The following KCNK5 variants were observed in gnomAD, a reference collection of about 807,000 sequenced individuals.
KCNK5 encodes the protein potassium channel subfamily K member 5.
In KCNK5, 18 loss-of-function variants were observed where a neutral mutation model predicts 32.9. The observed-to-expected ratio is 0.55, with a 90% CI of 0.38 to 0.81. The LOEUF (loss-of-function observed/expected upper bound fraction) is 0.81. KCNK5 is among the 30% of genes least tolerant of loss of function. The pLI is 0.00. For missense variants in KCNK5, 507 were observed against 651.0 expected (o/e 0.78, Z 2.41); for synonymous variants, 276 against 275.3 (o/e 1.00, Z -0.03).
At chr6:39,203,683 T>C (rs1427926280) in intron 1 of KCNK5, among the ~76,000 whole-genome samples, 2 of 152,186 alleles carry the variant, frequency 1.3e-5, no homozygotes, top group Admixed American at 1.3e-4. Flanking sequence ...GCAGTGGCTC[T>C]CGGTACAGGC....
At chr6:39,226,237 T>C (rs1771668814) in intron 1 of KCNK5, among the ~76,000 whole-genome samples, 1 of 152,150 alleles carries the variant, frequency 6.6e-6, no homozygotes, top group South Asian at 2.1e-4. Flanking sequence ...GTTGGGAGAA[T>C]GAGTCACCAA....
chr6:39,196,091 CAAG>C (rs1398366137), intron 1 of KCNK5, 104 bp from the exon 2 acceptor site: 2 of 706,968 alleles, frequency 2.8e-6, no homozygotes, highest in East Asian at 2.9e-5. Flanking sequence ...TTAGTCATCA[CAAG>C]AAGAAGGTGG....
rs190914869 is a variant in KCNK5, at chr6:39,208,310, A to G, written c.187-12323T>C. Among the ~76,000 whole-genome samples the G allele has an allele frequency of 1.1e-3, 163 of 152,226 alleles. 1 individual carries two copies. Among genetic ancestry groups the G allele is most frequent in the African/African-American group, 3.8e-3 (157 of 41,518 alleles). ...TGGGTTTCTCTACCCCTATGAAGTA[A>G]GCTCCCTGCCTGCTTAATACACAAC... is the stretch of plus-strand genomic sequence containing the variant. On this transcript the variant is annotated intron_variant, in intron 1 of 4. Transcript: ENST00000359534.
At position 39,190,629 on chromosome 6, in the gene KCNK5, T is replaced by C. The variant is rs984015107; in HGVS notation, c.*261A>G. The stretch of plus-strand genomic sequence containing the variant: ...TGCCCACCTGTCCCGCCAGCCAGCA[T>C]GTCTTTGCATTGTGAGATACACCAG... On this transcript the variant is annotated 3_prime_UTR_variant, in exon 5 of 5. Transcript: ENST00000359534. 4 of 366,586 alleles carry C rather than the reference T, an allele frequency of 1.1e-5. No homozygotes were observed. The highest frequency in any genetic ancestry group is 1.9e-5 in the Non-Finnish European group (4 of 205,280). 22.7% of individuals were successfully genotyped at this position (366,586 alleles called of 1,614,324 possible).
intron 1 of KCNK5, among the ~76,000 whole-genome samples, chr6:39,209,433 G>A (rs532162609): frequency 1.1e-3 from 175 of 152,288 alleles, no homozygotes; most frequent in Admixed American, 2.0e-3. Flanking sequence ...GGCGTGGGAC[G>A]TGACTGGGAT....
In KCNK5 at chr6:39,194,462, G is replaced by T; in HGVS notation, c.466-125C>A. ...TGGGTACCCAGCCTGACCCGGGAGG[G>T]CAAGGAGCTCTGAAACTATCCTCTT... On this transcript the variant is annotated intron_variant, in intron 3 of 4. Coordinates refer to ENST00000359534, the MANE Select transcript of KCNK5 (RefSeq NM_003740.4). The surrounding 1 kb of genome is among the most constrained non-coding windows in gnomAD (Gnocchi z 4.7). The T allele has an allele frequency of 7.0e-7, 1 of 1,422,754 alleles. No individual in the cohort carries two copies. The allele number at this position is 1,422,754 out of a possible 1,614,324, so 88.1% of individuals were successfully genotyped here.
At chr6:39,220,210 AG>A (rs1193031056) in intron 1 of KCNK5, among the ~76,000 whole-genome samples, 2 of 152,188 alleles carry the variant, frequency 1.3e-5, no homozygotes, top group Non-Finnish European at 2.9e-5. Flanking sequence ...TCCCAGACTC[AG>A]GGGGCAAGCA....
chr6:39,225,673 G>A (rs1199290087), intron 1 of KCNK5, among the ~76,000 whole-genome samples: 1 of 152,212 alleles, frequency 6.6e-6, no homozygotes, highest in Non-Finnish European at 1.5e-5. Flanking sequence ...CCTGTGCTAG[G>A]GGAAATAGAA....
intron 1 of KCNK5, 36 bp from the exon 2 acceptor site, chr6:39,196,023 C>T (rs1771025776): frequency 6.9e-7 from 1 of 1,451,564 alleles, no homozygotes; most frequent in Non-Finnish European, 9.5e-7. Context: ...GAGCTGAGGC[C>T]ACACTTAACA....
At chr6:39,220,467 C>T (rs534676632) in intron 1 of KCNK5, among the ~76,000 whole-genome samples, 73 of 152,286 alleles carry the variant, frequency 4.8e-4, no homozygotes, top group African/African-American at 1.7e-3. Context: ...ACCATCATCC[C>T]AGGAGAATAC....
At position 39,194,156 on chromosome 6, in the gene KCNK5, G is replaced by A. The variant is rs750304092; in HGVS notation, c.634+13C>T. On this transcript the variant is annotated intron_variant, in intron 4 of 4. Coordinates refer to ENST00000359534, the MANE Select transcript of KCNK5 (RefSeq NM_003740.4). This position sits in a 1 kb window ranked among gnomAD's most constrained non-coding sequence, Gnocchi z 4.7. ...AGCAGAAAAAGAGGTGGGAGGCAGAGGCAGGGACTCACCGGCCACAAAGTC... is the reference window on the plus strand; with the variant it reads ...AGCAGAAAAAGAGGTGGGAGGCAGAAGCAGGGACTCACCGGCCACAAAGTC... 1.2e-5 allele frequency: 20 copies of A among 1,613,932 alleles called. No individual in the cohort carries two copies. The African/African-American group carries it at 2.0e-4, about 16-fold the overall frequency.
Position 39,191,343 on chromosome 6 carries a change from C to T in KCNK5, c.1047G>A (p.Lys349=), listed in dbSNP as rs1770928225. ...CCTCTTCCAAGGTGGGCACCCGGTT[C>T]TTGGAGTAGACTACCAGGGGCACCA... The part of the protein sequence containing the change: ...PSLVPLVVYS[K]NRVPTLEEVS... The change falls in exon 5 of 5, where the codon AAG becomes AAA. Residue 349 remains lysine, a synonymous_variant. Transcript: ENST00000359534. This position sits in a 1 kb window ranked among gnomAD's most constrained non-coding sequence, Gnocchi z 5.8. 1.2e-6 allele frequency: 2 copies of T among 1,613,824 alleles called. No homozygotes were observed. The highest frequency in any genetic ancestry group is 1.7e-6 in the Non-Finnish European group (2 of 1,180,022).
At chr6:39,193,755 C>T (rs1272658908) in intron 4 of KCNK5, among the ~76,000 whole-genome samples, 1 of 152,234 alleles carries the variant, frequency 6.6e-6, no homozygotes, top group African/African-American at 2.4e-5. Flanking sequence ...CCTCCCTCCA[C>T]TCTTGTGAAA....
intron 1 of KCNK5, among the ~76,000 whole-genome samples, chr6:39,212,782 C>T (rs1771364951): frequency 6.6e-6 from 1 of 152,208 alleles, no homozygotes; most frequent in Non-Finnish European, 1.5e-5. Context: ...TGGTATACTA[C>T]CTCCAACTTG....
intron 1 of KCNK5, among the ~76,000 whole-genome samples, chr6:39,206,053 A>G (rs1266503893): frequency 6.6e-6 from 1 of 152,254 alleles, no homozygotes; most frequent in Non-Finnish European, 1.5e-5. Context: ...CAAAATGGAT[A>G]CACTATTCCC....
At chr6:39,215,969 A>G (rs963899214) in intron 1 of KCNK5, among the ~76,000 whole-genome samples, 2 of 152,220 alleles carry the variant, frequency 1.3e-5, no homozygotes, top group African/African-American at 4.8e-5. Flanking sequence ...AGCCACTTAT[A>G]TAGCCAAAAT....
At chr6:39,226,152 C>G (rs1771667731) in intron 1 of KCNK5, among the ~76,000 whole-genome samples, 2 of 152,174 alleles carry the variant, frequency 1.3e-5, no homozygotes, top group Admixed American at 1.3e-4. Context: ...GATAATAGCA[C>G]CCACAATGCC....
At position 39,190,923 on chromosome 6, in the gene KCNK5, C is replaced by A. The variant is rs1461182252; in HGVS notation, c.1467G>T (p.Glu489Asp). Reference sequence around the variant, plus strand: ...CCTTGGGGCTGTTAGCCTTGTTGTACTCATTCATCAGCTGTTCGTAAGGCA... The same window carrying A: ...CCTTGGGGCTGTTAGCCTTGTTGTAATCATTCATCAGCTGTTCGTAAGGCA... Reference protein sequence around the residue: ...LSVPYEQLMNEYNKANSPKGT With the variant: ...LSVPYEQLMNDYNKANSPKGT Residue 489 changes from glutamate to aspartate, a missense_variant, in exon 5 of 5, where the codon GAG becomes GAT. Physicochemically the swap from Glu to Asp is conservative, Grantham distance 45. Transcript: ENST00000359534. The A allele has an allele frequency of 1.3e-6, 2 of 1,483,906 alleles. No individual in the cohort carries two copies. The highest frequency in any genetic ancestry group is 1.8e-6 in the Non-Finnish European group (2 of 1,117,734). 91.9% of individuals were successfully genotyped at this position (1,483,906 alleles called of 1,614,324 possible). A position where few individuals can be genotyped will look rare whatever the true frequency, so the allele number is the denominator to read the frequency against.
intron 1 of KCNK5, among the ~76,000 whole-genome samples, chr6:39,227,484 C>T (rs909945644): frequency 2.6e-5 from 4 of 152,098 alleles, no homozygotes; most frequent in African/African-American, 7.2e-5. Flanking sequence ...TCTACTGAAG[C>T]TTATCCTCCC....
Sources: allele counts gnomAD v4.1 joint callset (sites outside exome capture counted in the v4.1 genomes callset), GRCh38; gene constraint gnomAD v4.1.1; non-coding constraint Gnocchi (gnomAD v3.1); transcripts MANE v1.5; gene names NCBI Gene and HGNC (gene_info 2026-07-23, HGNC 2026-07-21).